The following DOCK9 variants were observed in gnomAD, a reference collection of about 807,000 sequenced individuals.
DOCK9 encodes dedicator of cytokinesis 9.
Under a neutral mutation model 263.3 loss-of-function variants are expected in DOCK9, and 89 were observed. That is an observed-to-expected ratio of 0.34 (90% CI 0.28 to 0.40). The LOEUF is 0.40. Among genes scored for constraint, DOCK9 ranks in the 10% least tolerant of loss-of-function variants. The pLI is 1.00. For missense variants in DOCK9, 2,140 were observed against 2,603.4 expected (o/e 0.82, Z 3.87); for synonymous variants, 976 against 973.1 (o/e 1.00, Z -0.06).
intron 1 of DOCK9, among the ~76,000 whole-genome samples, chr13:99,005,397 T>A (rs755677080): frequency 3.9e-5 from 6 of 152,136 alleles, no homozygotes; most frequent in Non-Finnish European, 8.8e-5. Flanking sequence ...TTTTCCTGAA[T>A]TGCAATTAAA....
At chr13:98,911,155 A>G (rs1289556414) in intron 9 of DOCK9, among the ~76,000 whole-genome samples, 1 of 152,150 alleles carries the variant, frequency 6.6e-6, no homozygotes, top group African/African-American at 2.4e-5. Flanking sequence ...ACTCATCTCC[A>G]TTTTCTTCAT....
In DOCK9 at chr13:99,057,930, T is replaced by C. The variant is rs556598840; in HGVS notation, c.129+28293A>G. 3.3e-5 allele frequency among the ~76,000 whole-genome samples: 5 copies of C among 152,300 alleles called. No individual in the cohort carries two copies. The South Asian group carries it at 8.3e-4, about 25-fold the overall frequency. ...TAATTCTGTTATGTTGAAAACTGATTGTATACTGATTGAGACCTAGATTTA... is the reference window on the plus strand; with the variant it reads ...TAATTCTGTTATGTTGAAAACTGATCGTATACTGATTGAGACCTAGATTTA... On this transcript the variant is annotated intron_variant, in intron 1 of 32. Coordinates refer to the DOCK9 transcript ENST00000427887.
chr13:98,898,354 C>A (rs998250802), intron 13 of DOCK9, 93 bp from the exon 14 acceptor site: 2 of 903,122 alleles, frequency 2.2e-6, no homozygotes, highest in South Asian at 1.5e-5. Flanking sequence ...CTAAATAAGT[C>A]CTTACCATAG....
intron 5 of DOCK9, among the ~76,000 whole-genome samples, chr13:98,922,561 G>T (rs2052225084): frequency 6.6e-6 from 1 of 152,202 alleles, no homozygotes; most frequent in African/African-American, 2.4e-5. Context: ...CTTCCCAGAG[G>T]CTTAGTTCAG....
chr13:98,862,957 G>A (rs1022946965), intron 32 of DOCK9, 62 bp downstream of exon 32: 31 of 1,424,846 alleles, frequency 2.2e-5, no homozygotes, highest in East Asian at 1.7e-4. Flanking sequence ...AGCTTATGGC[G>A]CTTTGTCCTG....
chr13:99,024,151 G>A (rs1450363885), intron 1 of DOCK9, among the ~76,000 whole-genome samples: 3 of 152,182 alleles, frequency 2.0e-5, no homozygotes. Flanking sequence ...ATAAAAAGCT[G>A]CCAAACAGCA....
intron 1 of DOCK9, among the ~76,000 whole-genome samples, chr13:99,059,631 C>A (rs1405444280): frequency 6.6e-6 from 1 of 152,170 alleles, no homozygotes; most frequent in Non-Finnish European, 1.5e-5. Context: ...CTCAACCAAC[C>A]TCAGGACAAA....
At chr13:98,885,536 T>TAAAAAA (rs11411440) in intron 20 of DOCK9, 172 bp downstream of exon 20, 2 of 478,254 alleles carry the variant, frequency 4.2e-6, no homozygotes, top group Admixed American at 4.4e-5. Context: ...GCTCAAAAAT[T>TAAAAAA]AAAAAAAAAA....
At chr13:99,075,301 T>C (rs996167916) in intron 1 of DOCK9, among the ~76,000 whole-genome samples, 2 of 151,904 alleles carry the variant, frequency 1.3e-5, no homozygotes, top group Non-Finnish European at 2.9e-5. Flanking sequence ...TTAATCTGCA[T>C]ATAAGTGGAC....
At chr13:98,931,288 T>A (rs894090188) in intron 2 of DOCK9, among the ~76,000 whole-genome samples, 12 of 117,142 alleles carry the variant, frequency 1.0e-4, no homozygotes, top group South Asian at 6.7e-4. Flanking sequence ...TTTTTAATTT[T>A]TTTATTTATT....
At chr13:98,870,276 A>G (rs1156743810) in intron 27 of DOCK9, among the ~76,000 whole-genome samples, 1 of 152,264 alleles carries the variant, frequency 6.6e-6, no homozygotes, top group Non-Finnish European at 1.5e-5. Context: ...AACCTTACAT[A>G]GAGTCAAGAA....
chr13:98,981,019 G>A (rs1567167256), upstream of DOCK9, among the ~76,000 whole-genome samples: 1 of 151,710 alleles, frequency 6.6e-6, no homozygotes, highest in Non-Finnish European at 1.5e-5. Context: ...AACATCAAAA[G>A]GAGAAAATAT....
At chr13:98,910,726 T>C (rs1250449625) in intron 9 of DOCK9, among the ~76,000 whole-genome samples, 1 of 152,164 alleles carries the variant, frequency 6.6e-6, no homozygotes, top group African/African-American at 2.4e-5. Context: ...GCCCTCATTG[T>C]TCTAGGCCCT....
intron 1 of DOCK9, chr13:98,959,621 G>C (rs1345210321): frequency 6.6e-6 from 1 of 152,266 alleles, no homozygotes; most frequent in Admixed American, 6.5e-5. Context: ...CTTTGACGGG[G>C]GAAAGAAAGA....
intron 45 of DOCK9, among the ~76,000 whole-genome samples, chr13:98,817,446 C>T (rs535488404): frequency 4.1e-5 from 4 of 98,314 alleles, no homozygotes; most frequent in East Asian, 3.1e-4. Context: ...GACTAATACA[C>T]CCAGCTTTTT....
At chr13:98,866,311 G>A (rs975823918) in intron 30 of DOCK9, among the ~76,000 whole-genome samples, 1 of 152,142 alleles carries the variant, frequency 6.6e-6, no homozygotes, top group Non-Finnish European at 1.5e-5. Context: ...CGACACAGTT[G>A]GTGCGGGGTA....
chr13:98,800,511 G>A, intron 49 of DOCK9, 33 bp from the exon 50 acceptor site: 1 of 1,599,834 alleles, frequency 6.3e-7, no homozygotes, highest in Non-Finnish European at 8.6e-7. Context: ...TTACTGCATG[G>A]CTTGCACGAG....
At chr13:98,971,085 A>G (rs1886550) in intron 1 of DOCK9, among the ~76,000 whole-genome samples, 81,946 of 152,096 alleles carry the variant, frequency 0.54, 22,304 homozygotes, top group East Asian at 0.75. Context: ...TGCTAACACT[A>G]GAGCTTGAGT....
chr13:99,021,658 A>G (rs1036685183), intron 1 of DOCK9, among the ~76,000 whole-genome samples: 5 of 139,334 alleles, frequency 3.6e-5, no homozygotes, highest in African/African-American at 1.3e-4. Flanking sequence ...AAAAAAAAAA[A>G]GAGGGAAATG....
Sources: allele counts gnomAD v4.1 joint callset (sites outside exome capture counted in the v4.1 genomes callset), GRCh38; gene constraint gnomAD v4.1.1; transcripts MANE v1.5; gene names NCBI Gene and HGNC (gene_info 2026-07-23, HGNC 2026-07-21).